BMPER: variants seen among roughly 807,000 people sequenced by gnomAD.
BMPER encodes BMP-binding endothelial regulator protein.
In BMPER, 45 loss-of-function variants were observed where a neutral mutation model predicts 87.3. That is an observed-to-expected ratio of 0.52 (90% confidence interval 0.41 to 0.66). The LOEUF is 0.66. Among genes scored for constraint, BMPER ranks in the 30% least tolerant of loss-of-function variants. The probability of loss-of-function intolerance (pLI) is 0.00; values close to 1 mark genes in which losing one functional copy is unlikely to be tolerated. For missense variants in BMPER, 784 were observed against 867.5 expected (o/e 0.90, Z 1.21); for synonymous variants, 326 against 316.2 (o/e 1.03, Z -0.33).
intron 6 of BMPER, chr7:34,042,759 C>T (rs1562706172): frequency 1.3e-5 from 2 of 152,184 alleles, no homozygotes; most frequent in Non-Finnish European, 2.9e-5. Flanking sequence ...CATTGCTCTT[C>T]TGAAGGATAG....
intron 6 of BMPER, among the ~76,000 whole-genome samples, chr7:33,998,286 A>G (rs1786475708): frequency 6.6e-6 from 1 of 152,226 alleles, no homozygotes; most frequent in African/African-American, 2.4e-5. Context: ...CTTAGTTTGG[A>G]AAACACTATC....
chr7:33,962,826 A>G (rs78825356), intron 3 of BMPER, among the ~76,000 whole-genome samples: 2 of 152,108 alleles, frequency 1.3e-5, no homozygotes, highest in Admixed American at 6.6e-5. Flanking sequence ...GAAAAAAAAA[A>G]GCTGCTTTAC....
intron 3 of BMPER, among the ~76,000 whole-genome samples, chr7:33,949,814 C>T (rs373664438): frequency 1.1e-3 from 166 of 152,158 alleles, no homozygotes; most frequent in African/African-American, 3.5e-3. Context: ...GATTTCTTTC[C>T]CCTGCTCTTT....
At chr7:34,031,909 TATATATATATATATATATACAC>T (rs1326725890) in intron 6 of BMPER, among the ~76,000 whole-genome samples, 1 of 125,294 alleles carries the variant, frequency 8.0e-6, no homozygotes, top group African/African-American at 3.1e-5. Flanking sequence ...TATATATATA[TATATATATATATATATATACAC>T]ACACACACAC....
intron 11 of BMPER, among the ~76,000 whole-genome samples, chr7:34,074,640 C>T (rs1481912730): frequency 6.6e-6 from 1 of 152,162 alleles, no homozygotes; most frequent in Non-Finnish European, 1.5e-5. Flanking sequence ...TGGGCTTCCT[C>T]ATGGTTAGAG....
chr7:34,153,178 T>C lies in BMPER; in HGVS notation c.1963T>C (p.Cys655Arg), dbSNP rs1791226938. The C allele has an allele frequency of 6.2e-7, 1 of 1,614,062 alleles. No homozygotes were observed. Among genetic ancestry groups the C allele is most frequent in the Non-Finnish European group, 8.5e-7 (1 of 1,179,926 alleles). ...TGACAACTGGAATGAAATTGGTCCA[T>C]GCAACAAGCCGTGCGTTGCTGGGTG... ...TCDNWNEIGP[C>R]NKPCVAGCHC... The change falls in exon 15 of 15, where the codon TGC (cysteine) becomes CGC (arginine). Residue 655 changes from cysteine to arginine, a missense_variant. Coordinates refer to ENST00000649409, the MANE Select transcript of BMPER (RefSeq NM_001365308.1).
At chr7:33,979,703 G>A (rs1342650216) in intron 6 of BMPER, among the ~76,000 whole-genome samples, 1 of 152,170 alleles carries the variant, frequency 6.6e-6, no homozygotes. Context: ...GAGTTGTGTG[G>A]GTGTGTGAAG....
Position 34,059,097 on chromosome 7 carries a change from GA to G in BMPER, c.1032+943del, listed in dbSNP as rs893282514. ...ATAAAACTGAAAGCCTCCCATAAAA[GA>G]AAAAAAAAGAAGATACAATAAGTAG... is the stretch of plus-strand genomic sequence containing the variant. On this transcript the variant is annotated intron_variant, in intron 10 of 14. Transcript: ENST00000649409. Among the ~76,000 whole-genome samples the G allele has an allele frequency of 7.6e-3, 1,142 of 149,382 alleles. 18 individuals are homozygous for G. The highest frequency in any genetic ancestry group is 0.027 in the African/African-American group (1,084 of 40,782).
intron 2 of BMPER, 50 bp downstream of exon 2, chr7:33,906,953 G>A: frequency 6.8e-7 from 1 of 1,477,356 alleles, no homozygotes; most frequent in Non-Finnish European, 9.5e-7. Flanking sequence ...CTCTGATAAG[G>A]TGAATCCATT....
chr7:33,915,587 C>G (rs1477577356), intron 2 of BMPER, among the ~76,000 whole-genome samples: 1 of 152,106 alleles, frequency 6.6e-6, no homozygotes, highest in African/African-American at 2.4e-5. Flanking sequence ...TGAGCAGACA[C>G]CTTACCCTCT....
At chr7:33,943,923 C>T (rs1784823249) in intron 3 of BMPER, among the ~76,000 whole-genome samples, 1 of 152,134 alleles carries the variant, frequency 6.6e-6, no homozygotes, top group Admixed American at 6.6e-5. Context: ...ATTTAAAGAG[C>T]CTAACTGAGT....
At chr7:34,076,503 A>G (rs562803524) in intron 11 of BMPER, among the ~76,000 whole-genome samples, 3 of 152,062 alleles carry the variant, frequency 2.0e-5, no homozygotes, top group Non-Finnish European at 1.5e-5. Context: ...TTCACTTAAC[A>G]TGTCATAAGC....
At chr7:33,924,464 A>G (rs1784311437) in intron 2 of BMPER, among the ~76,000 whole-genome samples, 1 of 152,052 alleles carries the variant, frequency 6.6e-6, no homozygotes, top group Non-Finnish European at 1.5e-5. Context: ...CAGCTCCCAA[A>G]GCACCTTCCC....
At chr7:33,941,340 C>G (rs1263487494) in intron 3 of BMPER, among the ~76,000 whole-genome samples, 2 of 151,058 alleles carry the variant, frequency 1.3e-5, no homozygotes, top group Non-Finnish European at 2.9e-5. Context: ...TGGTTCCCAA[C>G]CTTTTTGGCA....
chr7:33,999,009 C>T (rs1786502336), intron 6 of BMPER, among the ~76,000 whole-genome samples: 1 of 152,208 alleles, frequency 6.6e-6, no homozygotes, highest in Non-Finnish European at 1.5e-5. Context: ...CTCTTTCTTC[C>T]CTGCCCGCCT....
rs145616223 is a variant in BMPER at position 33,963,650 on chromosome 7, C to T, written c.320-2829C>T. ...CTCTACTAAAAATACAAAAATTAGC[C>T]GGGCGTGGTGGCAGGTGCCTGTAAT... On this transcript the variant is annotated intron_variant, in intron 3 of 14. Coordinates refer to ENST00000649409, the MANE Select transcript of BMPER (RefSeq NM_001365308.1). Among the ~76,000 whole-genome samples, 44 of 151,990 alleles carry T rather than the reference C, an allele frequency of 2.9e-4. 1 individual carries two copies. In the East Asian group the frequency reaches 6.6e-3, roughly 23 times the overall value.
intron 3 of BMPER, among the ~76,000 whole-genome samples, chr7:33,955,231 G>A (rs1785121759): frequency 1.3e-5 from 2 of 152,138 alleles, no homozygotes; most frequent in Non-Finnish European, 1.5e-5. Flanking sequence ...TTTTTAGAAT[G>A]GGTGAATTTT....
At chr7:33,984,977 C>G (rs1173673743) in intron 6 of BMPER, among the ~76,000 whole-genome samples, 2 of 152,188 alleles carry the variant, frequency 1.3e-5, no homozygotes, top group Non-Finnish European at 2.9e-5. Context: ...GCCAGCCAGT[C>G]CTTTGTTAGC....
intron 11 of BMPER, among the ~76,000 whole-genome samples, chr7:34,067,891 A>G (rs570460985): frequency 6.6e-6 from 1 of 152,226 alleles, no homozygotes; most frequent in Non-Finnish European, 1.5e-5. Context: ...GTAAATTAGT[A>G]CAGAGTTGAA....
Sources: gnomAD v4.1 joint callset for allele counts (sites outside exome capture counted in the v4.1 genomes callset) on GRCh38, gnomAD v4.1.1 for gene constraint, MANE v1.5 for transcripts, NCBI Gene and HGNC (gene_info 2026-07-23, HGNC 2026-07-21) for gene names.